STK40: variants seen among roughly 807,000 people sequenced by gnomAD.
STK40 encodes serine/threonine-protein kinase 40.
Under a neutral mutation model 47.9 loss-of-function variants are expected in STK40, and 13 were observed. The ratio of observed to expected loss-of-function variants is 0.27; its 90% CI spans 0.18 to 0.43. The LOEUF (loss-of-function observed/expected upper bound fraction) is 0.43, where lower values mean the gene tolerates loss of function less well. Ranked by LOEUF, STK40 falls within the 20% of genes least tolerant of loss-of-function variation. The pLI, the probability that STK40 is intolerant of heterozygous loss-of-function variation, is 1.00. For synonymous variants in STK40, 225 were observed against 243.2 expected (o/e 0.93, Z 0.69); for missense variants, 460 against 595.1 (o/e 0.77, Z 2.36).
At chr1:36,350,006 G>A (rs1317526692) in intron 6 of STK40, among the ~76,000 whole-genome samples, 2 of 152,156 alleles carry the variant, frequency 1.3e-5, no homozygotes, top group Admixed American at 6.5e-5. Flanking sequence ...GGCTGCTGGC[G>A]GATTTCCCCG....
At chr1:36,345,993 T>TATA (rs1255116115) in intron 7 of STK40, among the ~76,000 whole-genome samples, 68 of 8,536 alleles carry the variant, frequency 8.0e-3, no homozygotes, top group East Asian at 0.061. Context: ...ATATATATAT[T>TATA]TTTTTTTTTT....
At chr1:36,344,413 C>T in intron 7 of STK40, 149 bp from the exon 8 acceptor site, 1 of 1,021,018 alleles carries the variant, frequency 9.8e-7, no homozygotes, top group Non-Finnish European at 1.4e-6. Flanking sequence ...GCTCCCCGCT[C>T]CCCTGTTCCT....
chr1:36,383,921 G>A (rs376288985), intron 1 of STK40, among the ~76,000 whole-genome samples: 2 of 152,060 alleles, frequency 1.3e-5, no homozygotes, highest in African/African-American at 4.8e-5. Context: ...GCCTTTTCAT[G>A]GCACACTCCC....
chr1:36,349,034 C>T (rs546455270), intron 6 of STK40, among the ~76,000 whole-genome samples: 92 of 152,352 alleles, frequency 6.0e-4, no homozygotes, highest in Middle Eastern at 6.8e-3. Flanking sequence ...GCTGTCCCAG[C>T]AGGGATCGGC....
chr1:36,360,522 T>TTTATA (rs1285260363), intron 2 of STK40, among the ~76,000 whole-genome samples: 1 of 151,380 alleles, frequency 6.6e-6, no homozygotes, highest in Non-Finnish European at 1.5e-5. Flanking sequence ...TTTATTTTAT[T>TTTATA]TTATTTTATT....
At chr1:36,345,501 T>C (rs758820041) in intron 7 of STK40, among the ~76,000 whole-genome samples, 6 of 152,146 alleles carry the variant, frequency 3.9e-5, no homozygotes, top group Non-Finnish European at 5.9e-5. Context: ...TCCCAAGCTC[T>C]TTCCAGGCTG....
At chr1:36,342,972 A>C in intron 10 of STK40, 103 of 542,070 alleles carry the variant, frequency 1.9e-4, no homozygotes, top group East Asian at 3.2e-4. Context: ...AGTGCAGGGA[A>C]TGGGGAGGAA....
chr1:36,358,463 G>A, intron 3 of STK40, 81 bp from the exon 4 acceptor site: 2 of 1,519,028 alleles, frequency 1.3e-6, no homozygotes, highest in Middle Eastern at 1.8e-4. Context: ...GGGAAGCAGG[G>A]GGCTTTTTAC....
intron 1 of STK40, among the ~76,000 whole-genome samples, chr1:36,366,674 G>C (rs1308651545): frequency 6.6e-6 from 1 of 152,168 alleles, no homozygotes; most frequent in Non-Finnish European, 1.5e-5. Context: ...TGATGCCCCA[G>C]CTACTCTGGT....
chr1:36,358,097 A>G (rs925692038), intron 4 of STK40, 142 bp downstream of exon 4: 2 of 1,057,460 alleles, frequency 1.9e-6, no homozygotes, highest in Non-Finnish European at 2.5e-6. Flanking sequence ...CATCTCACCC[A>G]CCCTGGAAGT....
rs868462342 is a variant in STK40, at chr1:36,350,715, G to A, written c.624-1900C>T. On this transcript the variant is annotated intron_variant, in intron 6 of 10. Transcript: ENST00000373132. The stretch of plus-strand genomic sequence containing the variant: ...TAGGAAAAGACTCTGTCTTGGAGGC[G>A]GTAGGGGAGAGGTGCCATGGTGTGA... Among the ~76,000 whole-genome samples the A allele has an allele frequency of 5.3e-5, 8 of 152,242 alleles. No individual in the cohort carries two copies. In the South Asian group the frequency reaches 1.2e-3, roughly 24 times the overall value.
chr1:36,358,752 G>A lies in STK40; in HGVS notation c.183C>T (p.Asp61=). ...QCLARKDGTD[D]FYQLKILTLE... is the part of the protein sequence containing the mutation. ...TCTCACTTACCTTCAGCTGATAGAAGTCATCCGTGCCATCTTTCCTCGCCA... is the reference window on the plus strand; with the variant it reads ...TCTCACTTACCTTCAGCTGATAGAAATCATCCGTGCCATCTTTCCTCGCCA... The change falls in exon 3 of 11, where the codon GAC becomes GAT. Residue 61 remains aspartate (D), a synonymous_variant. Coordinates refer to ENST00000373132, the MANE Select transcript of STK40 (RefSeq NM_001282547.2). 6.2e-7 allele frequency: 1 copy of A among 1,614,164 alleles called. No individual in the cohort carries two copies. The highest frequency in any genetic ancestry group is 8.5e-7 in the Non-Finnish European group (1 of 1,180,022).
intron 1 of STK40, among the ~76,000 whole-genome samples, chr1:36,371,310 T>C (rs886278431): frequency 3.6e-4 from 55 of 151,400 alleles, no homozygotes; most frequent in Non-Finnish European, 5.3e-4. Flanking sequence ...ATCCCAGCAC[T>C]TTGGGAGGCT....
chr1:36,356,130 C>T (rs149696601), intron 4 of STK40, among the ~76,000 whole-genome samples: 6 of 152,228 alleles, frequency 3.9e-5, no homozygotes, highest in African/African-American at 4.8e-5. Context: ...AGTAATCTTT[C>T]CCCCACAGCC....
At chr1:36,362,983 C>T (rs1646866639) in intron 1 of STK40, among the ~76,000 whole-genome samples, 1 of 152,190 alleles carries the variant, frequency 6.6e-6, no homozygotes, top group Non-Finnish European at 1.5e-5. Flanking sequence ...TGGTGAAACC[C>T]CGTCTCTACT....
chr1:36,354,295 G>A, intron 6 of STK40, 69 bp downstream of exon 6: 1 of 1,547,250 alleles, frequency 6.5e-7, no homozygotes, highest in Non-Finnish European at 8.9e-7. Flanking sequence ...TCAGGGCACT[G>A]GAGAGTTGCA....
In STK40 at chr1:36,348,763, C is replaced by T. The variant is rs569135475; in HGVS notation, c.676G>A (p.Glu226Lys). The stretch of plus-strand genomic sequence containing the variant: ...CTCTGGTCCTTCAGCAGGTCCCCCT[C>T]GCTCACCAGATGCTTCCCGAGGCAG... The part of the protein sequence containing the change: ...NFCLGKHLVS[E>K]GDLLKDQRGS... Residue 226 changes from glutamate to lysine, a missense_variant, in exon 7 of 11, where the codon GAG becomes AAG. Physicochemically the swap from Glu to Lys is moderately conservative, Grantham distance 56. Transcript: ENST00000373132. 70 of 1,610,766 alleles carry T rather than the reference C, an allele frequency of 4.3e-5. No homozygotes were observed. In the Admixed American group the frequency reaches 1.0e-3, roughly 24 times the overall value.
chr1:36,348,844 C>T lies in STK40; in HGVS notation c.624-29G>A, dbSNP rs1464510765. The T allele has an allele frequency of 1.9e-6, 3 of 1,563,220 alleles. No individual in the cohort carries two copies. The African/African-American group carries it at 4.1e-5, about 21-fold the overall frequency. On this transcript the variant is annotated intron_variant, in intron 6 of 10. Coordinates refer to ENST00000373132, the MANE Select transcript of STK40 (RefSeq NM_001282547.2). ...GGAGTGGGAGACAGAGTGAACAAAC[C>T]TCAGTGTCTATAGCAACAGGCACAA...
At chr1:36,350,658 G>A (rs1557508547) in intron 6 of STK40, among the ~76,000 whole-genome samples, 1 of 152,252 alleles carries the variant, frequency 6.6e-6, no homozygotes, top group African/African-American at 2.4e-5. Context: ...AGAAGCTGGT[G>A]TCCTCTCATC....
Sources: allele counts gnomAD v4.1 joint callset (sites outside exome capture counted in the v4.1 genomes callset), GRCh38; gene constraint gnomAD v4.1.1; transcripts MANE v1.5; gene names NCBI Gene and HGNC (gene_info 2026-07-23, HGNC 2026-07-21).